Variants in SLC16A10 observed in about 807,000 individuals in gnomAD.
The protein encoded by SLC16A10 is monocarboxylate transporter 10.
Under a neutral mutation model 40.0 loss-of-function variants are expected in SLC16A10, and 27 were observed. The observed-to-expected ratio is 0.67, with a 90% CI of 0.50 to 0.93. The LOEUF (loss-of-function observed/expected upper bound fraction) is 0.93, where lower values mean the gene tolerates loss of function less well. Among genes scored for constraint, SLC16A10 ranks in the 40% least tolerant of loss-of-function variants. The probability of loss-of-function intolerance (pLI) is 0.00; values close to 1 mark genes in which losing one functional copy is unlikely to be tolerated. For missense variants in SLC16A10, 529 were observed against 658.2 expected (o/e 0.80, Z 2.15); for synonymous variants, 213 against 249.8 (o/e 0.85, Z 1.39).
chr6:111,121,527 C>A (rs552482152), intron 1 of SLC16A10, among the ~76,000 whole-genome samples: 1 of 152,332 alleles, frequency 6.6e-6, no homozygotes, highest in African/African-American at 2.4e-5. Flanking sequence ...TGCCACTGCA[C>A]CCCAGCTTGG....
intron 3 of SLC16A10, among the ~76,000 whole-genome samples, chr6:111,197,469 G>C (rs1317014031): frequency 6.6e-6 from 1 of 152,150 alleles, no homozygotes; most frequent in Non-Finnish European, 1.5e-5. Context: ...CAAAATACTT[G>C]CTTATTGACA....
intron 5 of SLC16A10, among the ~76,000 whole-genome samples, chr6:111,221,202 A>G (rs182660350): frequency 6.6e-6 from 1 of 152,296 alleles, no homozygotes; most frequent in East Asian, 1.9e-4. Context: ...TGAGTCCTGG[A>G]ATTTGTTAGA....
At chr6:111,163,854 A>G (rs955659341) in intron 1 of SLC16A10, among the ~76,000 whole-genome samples, 10 of 152,266 alleles carry the variant, frequency 6.6e-5, no homozygotes, top group African/African-American at 2.4e-4. Flanking sequence ...TTAAGAGTGA[A>G]GACAGCTTTC....
At chr6:111,178,186 C>T (rs181198646) in intron 3 of SLC16A10, among the ~76,000 whole-genome samples, 57 of 152,048 alleles carry the variant, frequency 3.7e-4, no homozygotes, top group Admixed American at 2.4e-3. Context: ...GTTTTTCAAC[C>T]GAAGGGTGTA....
intron 1 of SLC16A10, among the ~76,000 whole-genome samples, chr6:111,162,770 A>T (rs867447715): frequency 2.0e-5 from 3 of 152,232 alleles, no homozygotes; most frequent in Admixed American, 6.5e-5. Flanking sequence ...AGATAGCTCA[A>T]CATGAAAGTT....
At chr6:111,165,956 T>C (rs1035981168) in intron 1 of SLC16A10, among the ~76,000 whole-genome samples, 1 of 152,148 alleles carries the variant, frequency 6.6e-6, no homozygotes, top group African/African-American at 2.4e-5. Context: ...GGAGACCTTA[T>C]TCAGTTTTTT....
intron 2 of SLC16A10, 109 bp from the exon 3 acceptor site, chr6:111,177,103 A>G (rs1253639685): frequency 5.6e-6 from 4 of 716,710 alleles, no homozygotes; most frequent in Non-Finnish European, 5.9e-6. Context: ...TTTTACTTGT[A>G]GAAAATATGT....
intron 1 of SLC16A10, among the ~76,000 whole-genome samples, chr6:111,152,755 A>G (rs971519638): frequency 2.0e-5 from 3 of 152,242 alleles, no homozygotes; most frequent in African/African-American, 7.2e-5. Flanking sequence ...AGATTTGGAT[A>G]CAGCCTTCTT....
chr6:111,168,198 T>G (rs1772514415), intron 1 of SLC16A10, among the ~76,000 whole-genome samples: 1 of 152,204 alleles, frequency 6.6e-6, no homozygotes, highest in South Asian at 2.1e-4. Flanking sequence ...CAGGCTGGTC[T>G]CGAACTCCTG....
chr6:111,101,893 T>C (rs896823853), intron 1 of SLC16A10, among the ~76,000 whole-genome samples: 1 of 152,234 alleles, frequency 6.6e-6, no homozygotes, highest in Non-Finnish European at 1.5e-5. Flanking sequence ...AGTGTTGAGA[T>C]TATAGGTGTC....
At chr6:111,088,638 G>T (rs1401188810) in intron 1 of SLC16A10, among the ~76,000 whole-genome samples, 1 of 152,124 alleles carries the variant, frequency 6.6e-6, no homozygotes, top group African/African-American at 2.4e-5. Context: ...TCACGGTTCC[G>T]TGCGTTCCCG....
At chr6:111,103,933 ATGTG>A (rs911905150) in intron 1 of SLC16A10, among the ~76,000 whole-genome samples, 2 of 152,110 alleles carry the variant, frequency 1.3e-5, no homozygotes, top group Non-Finnish European at 2.9e-5. Flanking sequence ...AACAATTATG[ATGTG>A]TGTGTTTTAG....
intron 1 of SLC16A10, among the ~76,000 whole-genome samples, chr6:111,141,009 C>T (rs1311018072): frequency 2.0e-5 from 3 of 152,190 alleles, no homozygotes; most frequent in South Asian, 2.1e-4. Flanking sequence ...AGGCCAGTCT[C>T]GAATTCCAGG....
intron 3 of SLC16A10, among the ~76,000 whole-genome samples, chr6:111,200,011 G>A (rs1350808931): frequency 6.6e-6 from 1 of 151,298 alleles, no homozygotes; most frequent in East Asian, 1.9e-4. Flanking sequence ...CCTTTTTCAT[G>A]TCTTAACAGT....
intron 3 of SLC16A10, chr6:111,193,407 CTTTA>C (rs1562428860): frequency 4.1e-6 from 3 of 729,290 alleles, no homozygotes; most frequent in Admixed American, 1.3e-4. Context: ...GAATAAGGAT[CTTTA>C]TTTATCTGAC....
rs777887469 is a variant in SLC16A10 at position 111,175,526 on chromosome 6, TTAAA to T, written c.489-1681_489-1678del. On this transcript the variant is annotated intron_variant, in intron 2 of 5. Transcript: ENST00000368851. ...ACTTAAATTTTTTTCTTTAAAATTG[TTAAA>T]TAAAAACAAATAAGCACTTTAAGTA... Among the ~76,000 whole-genome samples, 5 of 152,218 alleles carry T rather than the reference TTAAA, an allele frequency of 3.3e-5. No homozygotes were observed. The East Asian group carries it at 5.8e-4, about 18-fold the overall frequency.
At chr6:111,195,731 A>G (rs561747728) in intron 3 of SLC16A10, among the ~76,000 whole-genome samples, 31 of 152,224 alleles carry the variant, frequency 2.0e-4, no homozygotes, top group African/African-American at 7.0e-4. Context: ...TTTGACTCCA[A>G]AGACATTTCT....
chr6:111,213,081 GA>G (rs1469238011), intron 4 of SLC16A10, among the ~76,000 whole-genome samples: 3 of 152,164 alleles, frequency 2.0e-5, no homozygotes. Flanking sequence ...TCAAAGGTTT[GA>G]AAGTTAAAAC....
intron 1 of SLC16A10, among the ~76,000 whole-genome samples, chr6:111,124,802 C>T (rs186345977): frequency 6.6e-6 from 1 of 152,312 alleles, no homozygotes; most frequent in East Asian, 1.9e-4. Flanking sequence ...AAGTTCTTTA[C>T]AGACTTTCTA....
Sources: allele counts gnomAD v4.1 joint callset (sites outside exome capture counted in the v4.1 genomes callset), GRCh38; gene constraint gnomAD v4.1.1; transcripts MANE v1.5; gene names NCBI Gene and HGNC (gene_info 2026-07-23, HGNC 2026-07-21).